The following DOK7 variants were observed in gnomAD, a reference collection of about 807,000 sequenced individuals.
DOK7 encodes the protein docking protein 7, also known as protein Dok-7.
DOK7 carries 32 observed loss-of-function variants against 30.7 expected under a neutral mutation model. That is an observed-to-expected ratio of 1.04 (90% CI 0.79 to 1.40). The LOEUF (loss-of-function observed/expected upper bound fraction) is 1.40, where lower values mean the gene tolerates loss of function less well. Among genes scored for constraint, DOK7 ranks in the 40% most tolerant of loss-of-function variants. The pLI is 0.00. For synonymous variants in DOK7, 447 were observed against 324.1 expected (o/e 1.38, Z -4.07); for missense variants, 1,007 against 699.2 (o/e 1.44, Z -4.97).
At chr4:3,468,757 C>T (rs78205111) in intron 2 of DOK7, among the ~76,000 whole-genome samples, 9 of 76,692 alleles carry the variant, frequency 1.2e-4, no homozygotes, top group South Asian at 4.8e-4. Flanking sequence ...TGTCTGTGTG[C>T]GTGTGTGTGT....
rs1218952389 is a variant in DOK7, at chr4:3,490,452, CTCAT to C, written c.772+663_772+666del. Among the ~76,000 whole-genome samples the C allele has an allele frequency of 1.3e-3, 146 of 114,408 alleles. 1 individual carries two copies. The highest frequency in any genetic ancestry group is 2.0e-3 in the Non-Finnish European group (107 of 52,592). 75.1% of individuals were successfully genotyped at this position (114,408 alleles called of 152,430 possible). ...CATTCATTCCTTCATTTCTCTCCTG[CTCAT>C]TCATTCCTTTCTTCTCCCTCTGCTC... On this transcript the variant is annotated intron_variant, in intron 6 of 6. Coordinates refer to ENST00000340083, the MANE Select transcript of DOK7 (RefSeq NM_173660.5).
chr4:3,481,370 T>A (rs1727433639), intron 4 of DOK7, among the ~76,000 whole-genome samples: 1 of 150,740 alleles, frequency 6.6e-6, no homozygotes, highest in Admixed American at 6.6e-5. Flanking sequence ...GGTTGGGGGA[T>A]GGGAACCCTG....
chr4:3,467,456 C>CT (rs1396357315), intron 2 of DOK7, among the ~76,000 whole-genome samples: 2 of 132,198 alleles, frequency 1.5e-5, no homozygotes, highest in Non-Finnish European at 3.3e-5. Context: ...AAGACCCCCC[C>CT]CCCCCACCCC....
rs1560227473 is a variant in DOK7, at chr4:3,490,601, T to TC, written c.772+806dup. On this transcript the variant is annotated intron_variant, in intron 6 of 6. Transcript: ENST00000340083. Reference sequence around the variant, plus strand: ...TCTCTCTGCTCATTCCTTCATTTCTTCTCTCCCTGCTCGTTCATTCCTTCC... The same window carrying TC: ...TCTCTCTGCTCATTCCTTCATTTCTTCCTCTCCCTGCTCGTTCATTCCTTCC... 6.2e-4 allele frequency among the ~76,000 whole-genome samples: 17 copies of TC among 27,528 alleles called. 1 individual carries two copies. Among genetic ancestry groups the TC allele is most frequent in the African/African-American group, 4.5e-3 (12 of 2,652 alleles). 18.1% of individuals were successfully genotyped at this position (27,528 alleles called of 152,430 possible). A position where few individuals can be genotyped will look rare whatever the true frequency, so the allele number is the denominator to read the frequency against.
chr4:3,493,851 GCCGCTGGCCTT>G lies in DOK7; in HGVS notation c.*351_*361del. The G allele has an allele frequency of 8.5e-7, 1 of 1,175,414 alleles. No individual in the cohort carries two copies. 72.8% of individuals were successfully genotyped at this position (1,175,414 alleles called of 1,614,324 possible). On this transcript the variant is annotated 3_prime_UTR_variant, in exon 7 of 7. Transcript: ENST00000340083. ...TGGGGTGCCAAGGGCTGGAGGCCCT[GCCGCTGGCCTT>G]GTCCTCCTTGGGCCTCACGCCCCCT... is the stretch of plus-strand genomic sequence containing the variant.
downstream of DOK7, among the ~76,000 whole-genome samples, chr4:3,497,774 C>T (rs1402549065): frequency 6.6e-6 from 1 of 152,060 alleles, no homozygotes; most frequent in Non-Finnish European, 1.5e-5. Flanking sequence ...GCAGGGGCAG[C>T]TTGGGAAAGC....
intron 2 of DOK7, among the ~76,000 whole-genome samples, chr4:3,468,489 TGA>T (rs766699207): frequency 4.6e-4 from 70 of 151,800 alleles, no homozygotes; most frequent in Non-Finnish European, 7.4e-4. Context: ...TGTACATGTA[TGA>T]GTGTGCATGT....
chr4:3,463,720 G>A (rs1321911584), intron 2 of DOK7, among the ~76,000 whole-genome samples, 169 bp downstream of exon 2: 2 of 152,322 alleles, frequency 1.3e-5, no homozygotes, highest in African/African-American at 4.8e-5. Flanking sequence ...AGCGCAGGTG[G>A]GGGCCCTGGA....
rs755933024 is a variant in DOK7, at chr4:3,473,390, G to A, written c.101-16G>A. 1.1e-5 allele frequency: 17 copies of A among 1,610,078 alleles called. No homozygotes were observed. The South Asian group carries it at 1.9e-4, about 18-fold the overall frequency. On this transcript the variant is annotated splice_polypyrimidine_tract_variant and intron_variant, in intron 2 of 6. Transcript: ENST00000340083. Reference sequence around the variant, plus strand: ...GCGGTGTTGGCTGGCGTCCCTGACGGCCACGCTCCTTGCAGACTGCCTGCT... The same window carrying A: ...GCGGTGTTGGCTGGCGTCCCTGACGACCACGCTCCTTGCAGACTGCCTGCT...
intron 2 of DOK7, among the ~76,000 whole-genome samples, chr4:3,468,250 G>A (rs1472278245): frequency 6.6e-6 from 1 of 151,278 alleles, no homozygotes; most frequent in African/African-American, 2.5e-5. Flanking sequence ...ATGTGTGCAA[G>A]TGTGTGTCCG....
At chr4:3,467,195 C>CG (rs1553844936) in intron 2 of DOK7, among the ~76,000 whole-genome samples, 10 of 151,456 alleles carry the variant, frequency 6.6e-5, no homozygotes, top group Non-Finnish European at 1.2e-4. Flanking sequence ...GGACCCCCCC[C>CG]ACTGCGTCCC....
exon 8 of DOK7, chr4:3,501,033 G>C: frequency 1.3e-6 from 1 of 762,740 alleles, no homozygotes; most frequent in Non-Finnish European, 2.0e-6. Flanking sequence ...GTCCGGGGCT[G>C]ACCCTTCGGC....
chr4:3,488,132 C>T (rs1727937437), intron 5 of DOK7, among the ~76,000 whole-genome samples: 1 of 152,236 alleles, frequency 6.6e-6, no homozygotes, highest in Non-Finnish European at 1.5e-5. Flanking sequence ...GCTTGTGCCA[C>T]CCCCATCCCT....
At chr4:3,484,884 T>C (rs899650038) in intron 4 of DOK7, 16 of 985,112 alleles carry the variant, frequency 1.6e-5, no homozygotes, top group Non-Finnish European at 1.6e-5. Flanking sequence ...AATGCAGCCC[T>C]CCCAACAGCC....
At chr4:3,468,660 GTGTGTGCCTGTGTGCATGCC>G (rs1726502935) in intron 2 of DOK7, among the ~76,000 whole-genome samples, 2 of 144,534 alleles carry the variant, frequency 1.4e-5, no homozygotes, top group South Asian at 4.9e-4. Context: ...ATGTATGAGT[GTGTGTGCCTGTGTGCATGCC>G]TGTGTGTGCA....
intron 2 of DOK7, among the ~76,000 whole-genome samples, chr4:3,464,954 C>G (rs1726187885): frequency 1.3e-5 from 2 of 152,140 alleles, no homozygotes; most frequent in Admixed American, 1.3e-4. Flanking sequence ...CTGGGTTATC[C>G]CGTATCCTGC....
chr4:3,484,275 C>T (rs114094073), intron 4 of DOK7, among the ~76,000 whole-genome samples: 12,245 of 152,244 alleles, frequency 0.08, 859 homozygotes, highest in African/African-American at 0.19. Context: ...GCCAAGGGGC[C>T]GGCAGCGTCG....
intron 3 of DOK7, 112 bp from the exon 4 acceptor site, chr4:3,476,228 CTG>C: frequency 1.1e-6 from 1 of 949,778 alleles, no homozygotes; most frequent in Non-Finnish European, 1.5e-6. Flanking sequence ...CTCGCCCCGC[CTG>C]CCCGTGATGC....
intron 4 of DOK7, among the ~76,000 whole-genome samples, chr4:3,480,121 G>A (rs1440011425): frequency 1.3e-5 from 2 of 152,212 alleles, no homozygotes; most frequent in African/African-American, 4.8e-5. Flanking sequence ...AGCCTAGGAA[G>A]GGAGGGCTTT....
Sources: allele counts gnomAD v4.1 joint callset (sites outside exome capture counted in the v4.1 genomes callset), GRCh38; gene constraint gnomAD v4.1.1; transcripts MANE v1.5; gene names NCBI Gene and HGNC (gene_info 2026-07-23, HGNC 2026-07-21).